PLXDC2: variants seen among roughly 807,000 people sequenced by gnomAD.
PLXDC2 encodes the protein plexin domain containing 2.
A neutral mutation model predicts 68.9 loss-of-function variants in PLXDC2; 40 were observed. That is an observed-to-expected ratio of 0.58 (90% CI 0.45 to 0.76). The LOEUF (loss-of-function observed/expected upper bound fraction) is 0.76, where lower values mean the gene tolerates loss of function less well. Among genes scored for constraint, PLXDC2 ranks in the 30% least tolerant of loss-of-function variants. PLXDC2 has a pLI of 0.00. For synonymous variants in PLXDC2, 243 were observed against 234.2 expected (o/e 1.04, Z -0.34); for missense variants, 644 against 661.9 (o/e 0.97, Z 0.30).
intron 12 of PLXDC2, among the ~76,000 whole-genome samples, chr10:20,230,706 A>AAAAAAC (rs1429699792): frequency 6.7e-6 from 1 of 149,634 alleles, no homozygotes; most frequent in Non-Finnish European, 1.5e-5. Flanking sequence ...AAAAAAAAAA[A>AAAAAAC]AAAAAAAACA....
At chr10:20,038,258 A>T (rs540016081) in intron 2 of PLXDC2, among the ~76,000 whole-genome samples, 2,702 of 151,864 alleles carry the variant, frequency 0.018, 77 homozygotes, top group African/African-American at 0.061. Context: ...AAAAAAATTT[A>T]AAAAAAAGAA....
rs565796136 is a variant in PLXDC2 at position 20,120,035 on chromosome 10, G to A, written c.542-23260G>A. ...CAAGAGTTAAGAGTGGCAGTTTGGG[G>A]ATAGCACCAGGAGATATCAGCTGTG... On this transcript the variant is annotated intron_variant, in intron 4 of 13. Transcript: ENST00000377252. Among the ~76,000 whole-genome samples, 703 of 152,302 alleles carry A rather than the reference G, an allele frequency of 4.6e-3. 4 individuals are homozygous for A. The highest frequency in any genetic ancestry group is 7.9e-3 in the Non-Finnish European group (538 of 68,026).
intron 1 of PLXDC2, among the ~76,000 whole-genome samples, chr10:19,991,012 C>T (rs1306390904): frequency 6.6e-6 from 1 of 151,930 alleles, no homozygotes; most frequent in African/African-American, 2.4e-5. Flanking sequence ...TTTGGGAGGC[C>T]GAGGCGGGTG....
intron 9 of PLXDC2, among the ~76,000 whole-genome samples, chr10:20,185,603 G>A (rs1834671770): frequency 6.6e-6 from 1 of 152,008 alleles, no homozygotes; most frequent in Non-Finnish European, 1.5e-5. Context: ...GTTAGAGTCA[G>A]TATAATTGTT....
chr10:20,023,990 C>G (rs993094762), intron 2 of PLXDC2, among the ~76,000 whole-genome samples: 2 of 152,036 alleles, frequency 1.3e-5, no homozygotes, highest in Non-Finnish European at 1.5e-5. Flanking sequence ...TGTTCCTATT[C>G]TGCAGAATCA....
At chr10:20,051,464 T>C (rs1835900148) in intron 3 of PLXDC2, among the ~76,000 whole-genome samples, 1 of 145,284 alleles carries the variant, frequency 6.9e-6, no homozygotes, top group Non-Finnish European at 1.5e-5. Context: ...GGTTATATTG[T>C]ATCTCAAGAT....
intron 4 of PLXDC2, among the ~76,000 whole-genome samples, chr10:20,131,180 G>T (rs1833862715): frequency 2.2e-5 from 3 of 134,148 alleles, no homozygotes; most frequent in South Asian, 4.8e-4. Flanking sequence ...TTTTTTTTCA[G>T]ATTTTCTATT....
intron 10 of PLXDC2, among the ~76,000 whole-genome samples, chr10:20,213,334 T>C (rs770091479): frequency 2.6e-5 from 4 of 152,088 alleles, no homozygotes; most frequent in Non-Finnish European, 5.9e-5. Flanking sequence ...TGGCAATATC[T>C]TGCAAAGTCA....
intron 1 of PLXDC2, among the ~76,000 whole-genome samples, chr10:19,876,245 T>G (rs546522394): frequency 6.6e-6 from 1 of 152,316 alleles, no homozygotes; most frequent in South Asian, 2.1e-4. Flanking sequence ...TTGCTATCTT[T>G]GAAATTGATT....
chr10:20,234,014 A>C (rs1184641393), intron 12 of PLXDC2, among the ~76,000 whole-genome samples: 2 of 149,198 alleles, frequency 1.3e-5, no homozygotes, highest in African/African-American at 2.5e-5. Flanking sequence ...TTTTGTAGAG[A>C]TGCTATCTCA....
At chr10:20,148,593 A>G (rs2131798543) in intron 6 of PLXDC2, among the ~76,000 whole-genome samples, 1 of 152,338 alleles carries the variant, frequency 6.6e-6, no homozygotes, top group South Asian at 2.1e-4. Context: ...CTCTTCTGAC[A>G]AAGTAAGTAA....
intron 1 of PLXDC2, among the ~76,000 whole-genome samples, chr10:19,849,111 T>C (rs1251580498): frequency 6.6e-6 from 1 of 152,164 alleles, no homozygotes; most frequent in Non-Finnish European, 1.5e-5. Flanking sequence ...ACAAGTAGTT[T>C]TGCAACCCAC....
intron 3 of PLXDC2, among the ~76,000 whole-genome samples, chr10:20,056,586 G>T (rs1836003853): frequency 1.3e-5 from 2 of 152,118 alleles, no homozygotes; most frequent in Non-Finnish European, 2.9e-5. Flanking sequence ...TTTAGACATG[G>T]AAAGGACTTT....
At chr10:20,183,429 GA>G (rs1436833899) in intron 9 of PLXDC2, among the ~76,000 whole-genome samples, 6 of 151,854 alleles carry the variant, frequency 4.0e-5, no homozygotes, top group Non-Finnish European at 7.4e-5. Flanking sequence ...TGTTTGGATA[GA>G]CATAGAAAAC....
At chr10:20,158,226 G>A (rs749206518) in intron 6 of PLXDC2, among the ~76,000 whole-genome samples, 21 of 151,822 alleles carry the variant, frequency 1.4e-4, no homozygotes, top group Non-Finnish European at 2.5e-4. Context: ...TTAAAGTTTT[G>A]GTGCTTTAAC....
At chr10:20,219,408 C>G (rs1257496630) in intron 12 of PLXDC2, among the ~76,000 whole-genome samples, 1 of 152,156 alleles carries the variant, frequency 6.6e-6, no homozygotes, top group East Asian at 1.9e-4. Flanking sequence ...TAGTTATCTA[C>G]ACAGCTACAG....
chr10:20,029,584 A>G (rs1379005263), intron 2 of PLXDC2, among the ~76,000 whole-genome samples: 1 of 152,174 alleles, frequency 6.6e-6, no homozygotes, highest in Non-Finnish European at 1.5e-5. Context: ...AACCAAAAAA[A>G]TAAAAAATAA....
At chr10:20,156,429 A>G (rs960307767) in intron 6 of PLXDC2, among the ~76,000 whole-genome samples, 1 of 152,102 alleles carries the variant, frequency 6.6e-6, no homozygotes, top group South Asian at 2.1e-4. Flanking sequence ...TTTTTCCTTG[A>G]GGACTCGGAA....
chr10:20,154,581 T>C (rs902564846), intron 6 of PLXDC2, among the ~76,000 whole-genome samples: 29 of 149,666 alleles, frequency 1.9e-4, no homozygotes, highest in African/African-American at 6.9e-4. Flanking sequence ...AAAAAAAATG[T>C]ATTTAAAAAA....
Sources: gnomAD v4.1 joint callset for allele counts (sites outside exome capture counted in the v4.1 genomes callset) on GRCh38, gnomAD v4.1.1 for gene constraint, MANE v1.5 for transcripts, NCBI Gene and HGNC (gene_info 2026-07-23, HGNC 2026-07-21) for gene names.